RAB3C: variants seen among roughly 807,000 people sequenced by gnomAD.
The protein encoded by RAB3C is ras-related protein Rab-3C.
RAB3C carries 17 observed loss-of-function variants against 26.4 expected under a neutral mutation model. The ratio of observed to expected loss-of-function variants is 0.64; its 90% confidence interval spans 0.44 to 0.97. The LOEUF (loss-of-function observed/expected upper bound fraction) is 0.97, where lower values mean the gene tolerates loss of function less well. Ranked by LOEUF, RAB3C falls within the 50% of genes least tolerant of loss-of-function variation. The pLI is 0.00. For synonymous variants in RAB3C, 91 were observed against 95.9 expected (o/e 0.95, Z 0.30); for missense variants, 242 against 281.9 (o/e 0.86, Z 1.01).
intron 3 of RAB3C, among the ~76,000 whole-genome samples, chr5:58,795,973 T>C (rs1362067577): frequency 6.6e-6 from 1 of 152,198 alleles, no homozygotes; most frequent in Non-Finnish European, 1.5e-5. Context: ...TTCTCTATAA[T>C]TCCTAGGACA....
intron 3 of RAB3C, among the ~76,000 whole-genome samples, chr5:58,803,710 G>A (rs1742866365): frequency 2.6e-5 from 4 of 152,080 alleles, no homozygotes; most frequent in Non-Finnish European, 5.9e-5. Context: ...GAAGATAAAG[G>A]CATCTGGAAC....
intron 4 of RAB3C, among the ~76,000 whole-genome samples, chr5:58,841,349 C>T (rs1438179980): frequency 6.6e-6 from 1 of 152,184 alleles, no homozygotes; most frequent in Non-Finnish European, 1.5e-5. Flanking sequence ...GGACCAGAGT[C>T]ATAGCTGATT....
In RAB3C at chr5:58,726,019, A is replaced by C. The variant is rs1740881853; in HGVS notation, c.270A>C (p.Glu90Asp). Residue 90 changes from glutamate to aspartate, a missense_variant, in exon 3 of 5, where the codon GAA becomes GAC. Glu to Asp is a conservative substitution (Grantham distance 45, BLOSUM62 2). Coordinates refer to ENST00000282878, the MANE Select transcript of RAB3C (RefSeq NM_138453.4). ...KLQIWDTAGQ[E>D]RYRTITTAYY... The stretch of plus-strand genomic sequence containing the variant: ...TTCTTTAGGACACAGCAGGCCAGGA[A>C]AGATACAGGACTATCACCACAGCCT... The C allele has an allele frequency of 6.3e-7, 1 of 1,596,630 alleles. No homozygotes were observed. The highest frequency in any genetic ancestry group is 2.2e-5 in the East Asian group (1 of 44,494).
chr5:58,630,440 TAAC>T (rs1242568154), intron 2 of RAB3C, among the ~76,000 whole-genome samples: 2 of 152,196 alleles, frequency 1.3e-5, no homozygotes, highest in African/African-American at 4.8e-5. Context: ...CATTTTAAAA[TAAC>T]AATAAACCCA....
intron 2 of RAB3C, among the ~76,000 whole-genome samples, chr5:58,623,376 A>G (rs531455383): frequency 3.3e-5 from 5 of 152,302 alleles, no homozygotes; most frequent in African/African-American, 9.6e-5. Flanking sequence ...CCTCTGGTCT[A>G]TTTATAAGGA....
At chr5:58,805,616 A>AG (rs894434992) in intron 3 of RAB3C, among the ~76,000 whole-genome samples, 38 of 148,530 alleles carry the variant, frequency 2.6e-4, no homozygotes, top group Middle Eastern at 3.5e-3. Flanking sequence ...AGAGAGAGAG[A>AG]AAAAAAGAAA....
chr5:58,718,273 TG>T (rs1245021739), intron 2 of RAB3C, among the ~76,000 whole-genome samples: 3 of 152,124 alleles, frequency 2.0e-5, no homozygotes, highest in Non-Finnish European at 4.4e-5. Context: ...TAAGTAAAGA[TG>T]CCTCTATATA....
intron 2 of RAB3C, among the ~76,000 whole-genome samples, chr5:58,656,712 A>G (rs1237063634): frequency 2.0e-5 from 3 of 152,222 alleles, no homozygotes; most frequent in Non-Finnish European, 2.9e-5. Context: ...AGGAAATGAC[A>G]CAAAGGTGAG....
At position 58,725,394 on chromosome 5, in the gene RAB3C, A is replaced by G. The variant is rs1425344209; in HGVS notation, c.253-608A>G. 2.0e-5 allele frequency among the ~76,000 whole-genome samples: 3 copies of G among 151,820 alleles called. No homozygotes were observed. The East Asian group carries it at 5.8e-4, about 30-fold the overall frequency. Reference sequence around the variant, plus strand: ...GACCTTTGAGAGTTTGACTATTATAAGTCTTGGGGTAGTCTTATTTGGGTC... The same window carrying G: ...GACCTTTGAGAGTTTGACTATTATAGGTCTTGGGGTAGTCTTATTTGGGTC... On this transcript the variant is annotated intron_variant, in intron 2 of 4. Transcript: ENST00000282878.
intron 3 of RAB3C, among the ~76,000 whole-genome samples, chr5:58,807,261 C>T (rs1160169915): frequency 1.3e-5 from 2 of 152,130 alleles, no homozygotes; most frequent in Non-Finnish European, 2.9e-5. Flanking sequence ...GAAGCAAGAC[C>T]TTTCTGACTG....
chr5:58,832,026 G>GA (rs1284356164), intron 4 of RAB3C, among the ~76,000 whole-genome samples: 7 of 152,114 alleles, frequency 4.6e-5, no homozygotes, highest in South Asian at 2.1e-4. Flanking sequence ...CTGATTTACA[G>GA]AAAAAACAAG....
intron 3 of RAB3C, among the ~76,000 whole-genome samples, chr5:58,738,913 C>T (rs1373119882): frequency 6.6e-6 from 1 of 151,970 alleles, no homozygotes; most frequent in African/African-American, 2.4e-5. Context: ...AGTTACTTGC[C>T]TTTGAGGGTA....
At chr5:58,667,143 A>G (rs1210738655) in intron 2 of RAB3C, among the ~76,000 whole-genome samples, 1 of 152,278 alleles carries the variant, frequency 6.6e-6, no homozygotes, top group South Asian at 2.1e-4. Flanking sequence ...ACAAATGAGA[A>G]TTGGTTTTAC....
At chr5:58,743,295 G>T (rs1281473110) in intron 3 of RAB3C, among the ~76,000 whole-genome samples, 2 of 152,034 alleles carry the variant, frequency 1.3e-5, no homozygotes, top group East Asian at 3.9e-4. Flanking sequence ...TCTCAATCCA[G>T]ACCATATATT....
chr5:58,675,095 T>C (rs1440442272), intron 2 of RAB3C, among the ~76,000 whole-genome samples: 1 of 152,070 alleles, frequency 6.6e-6, no homozygotes, highest in African/African-American at 2.4e-5. Context: ...TTTTCCTAAG[T>C]ACTTTTCTCA....
At chr5:58,761,030 TTC>T (rs147066692) in intron 3 of RAB3C, among the ~76,000 whole-genome samples, 3 of 142,048 alleles carry the variant, frequency 2.1e-5, no homozygotes, top group East Asian at 2.1e-4. Flanking sequence ...ATCACATTCC[TTC>T]TCTCTCTCTC....
chr5:58,810,751 C>T (rs1743057826), intron 3 of RAB3C, among the ~76,000 whole-genome samples: 1 of 152,164 alleles, frequency 6.6e-6, no homozygotes, highest in Admixed American at 6.5e-5. Flanking sequence ...CATGCATCAC[C>T]ATGCCCAGCT....
intron 2 of RAB3C, among the ~76,000 whole-genome samples, chr5:58,710,502 G>A (rs1179944869): frequency 1.3e-5 from 2 of 151,932 alleles, no homozygotes; most frequent in African/African-American, 4.8e-5. Context: ...AAGAGGCTGA[G>A]GCAGGAGAAT....
intron 4 of RAB3C, among the ~76,000 whole-genome samples, chr5:58,832,177 C>T (rs1432706204): frequency 6.6e-6 from 1 of 152,132 alleles, no homozygotes; most frequent in Admixed American, 6.6e-5. Context: ...CTAGTCTAGT[C>T]CCCATGTGGC....
Sources: allele counts gnomAD v4.1 joint callset (sites outside exome capture counted in the v4.1 genomes callset), GRCh38; gene constraint gnomAD v4.1.1; transcripts MANE v1.5; gene names NCBI Gene and HGNC (gene_info 2026-07-23, HGNC 2026-07-21).